Variants in FGFR4 observed in about 807,000 individuals in gnomAD.
FGFR4 encodes the protein hydroxyaryl-protein kinase.
Under a neutral mutation model 89.9 loss-of-function variants are expected in FGFR4, and 63 were observed. The ratio of observed to expected loss-of-function variants is 0.70; its 90% CI spans 0.57 to 0.86. FGFR4 has a LOEUF of 0.86. Ranked by LOEUF, FGFR4 falls within the 40% of genes least tolerant of loss-of-function variation. The probability of loss-of-function intolerance (pLI) is 0.00; values close to 1 mark genes in which losing one functional copy is unlikely to be tolerated. For missense variants in FGFR4, 928 were observed against 1,106.7 expected (o/e 0.84, Z 2.29); for synonymous variants, 486 against 479.4 (o/e 1.01, Z -0.18).
Position 177,095,848 on chromosome 5 carries a change from C to A in FGFR4, c.1821+125C>A. The A allele has an allele frequency of 1.6e-6, 2 of 1,260,852 alleles. No homozygotes were observed. The highest frequency in any genetic ancestry group is 2.2e-6 in the Non-Finnish European group (2 of 929,886). 78.1% of individuals were successfully genotyped at this position (1,260,852 alleles called of 1,614,324 possible). On this transcript the variant is annotated intron_variant, in intron 13 of 17. Transcript: ENST00000292408. This position sits in a 1 kb window ranked among gnomAD's most constrained non-coding sequence, Gnocchi z 5.7. ...ATGACCCCACCTCAGTGTCCCCAGG[C>A]ATTCACGCTTTCCTGCATTCCCCAC...
rs1384813482 is a variant in FGFR4, at chr5:177,087,736, C to G, written c.-54+659C>G. On this transcript the variant is annotated intron_variant, in intron 1 of 17. Transcript: ENST00000292408. This position sits in a 1 kb window ranked among gnomAD's most constrained non-coding sequence, Gnocchi z 6.1. ...AAGCCGAGCTTGGTAGGGAGTTTTACCAAGGAGGATCCGACTGGATTCGAG... is the reference window on the plus strand; with the variant it reads ...AAGCCGAGCTTGGTAGGGAGTTTTAGCAAGGAGGATCCGACTGGATTCGAG... 17 of 728,904 alleles carry G rather than the reference C, an allele frequency of 2.3e-5. No homozygotes were observed. The highest frequency in any genetic ancestry group is 2.9e-5 in the Non-Finnish European group (17 of 595,740). The allele number at this position is 728,904 out of a possible 1,614,324, so 45.2% of individuals were successfully genotyped here.
In FGFR4 at chr5:177,087,650, C is replaced by T. The variant is rs915334647; in HGVS notation, c.-54+573C>T. The T allele has an allele frequency of 3.6e-5, 35 of 985,126 alleles. No homozygotes were observed. The highest frequency in any genetic ancestry group is 4.2e-5 in the Non-Finnish European group (35 of 829,824). 61.0% of individuals were successfully genotyped at this position (985,126 alleles called of 1,614,324 possible). A position where few individuals can be genotyped will look rare whatever the true frequency, so the allele number is the denominator to read the frequency against. ...GGCAGCCTGGGGTAGGAATAAACTC[C>T]CCGGGCCTCCCCACCCACTCCCAGC... On this transcript the variant is annotated intron_variant, in intron 1 of 17. Transcript: ENST00000292408. The surrounding 1 kb of genome is among the most constrained non-coding windows in gnomAD (Gnocchi z 6.1).
rs1199890694 is a variant in FGFR4 at position 177,095,812 on chromosome 5, T to C, written c.1821+89T>C. The stretch of plus-strand genomic sequence containing the variant: ...TTCAATGTCCCGACTTCTCCCTCTC[T>C]GCTCTTTTTCATGACCCCACCTCAG... On this transcript the variant is annotated intron_variant, in intron 13 of 17. Transcript: ENST00000292408. The surrounding 1 kb of genome is among the most constrained non-coding windows in gnomAD (Gnocchi z 5.7). 4 of 1,379,164 alleles carry C rather than the reference T, an allele frequency of 2.9e-6. No homozygotes were observed. The East Asian group carries it at 1.0e-4, about 34-fold the overall frequency. 85.4% of individuals were successfully genotyped at this position (1,379,164 alleles called of 1,614,324 possible). A position where few individuals can be genotyped will look rare whatever the true frequency, so the allele number is the denominator to read the frequency against.
rs1219245004 is a variant in FGFR4 at position 177,096,232 on chromosome 5, G to T, written c.1944+53G>T. ...GGGGTGGAGGGGCACTGGGCCCGGG[G>T]TGGCAGGCACGAGGACCTGTGGGAC... On this transcript the variant is annotated intron_variant, in intron 14 of 17. Coordinates refer to ENST00000292408, the MANE Select transcript of FGFR4 (RefSeq NM_213647.3). 5.0e-6 allele frequency: 8 copies of T among 1,613,170 alleles called. No individual in the cohort carries two copies. In the East Asian group the frequency reaches 6.7e-5, roughly 13 times the overall value.
Position 177,097,016 on chromosome 5 carries a change from T to C in FGFR4, c.2153+275T>C, listed in dbSNP as rs199642946. Among the ~76,000 whole-genome samples, 306 of 11,340 alleles carry C rather than the reference T, an allele frequency of 0.027. 7 individuals are homozygous for C. The East Asian group carries it at 0.29, about 11-fold the overall frequency. The allele number at this position is 11,340 out of a possible 152,430, so 7.4% of individuals were successfully genotyped here. A position where few individuals can be genotyped will look rare whatever the true frequency, so the allele number is the denominator to read the frequency against. On this transcript the variant is annotated intron_variant, in intron 16 of 17. Coordinates refer to ENST00000292408, the MANE Select transcript of FGFR4 (RefSeq NM_213647.3). ...CCTCCTCCTCTTCCTCCTCCTCCTC[T>C]TCCTCCTCCTCCTCTTCCTCCTTCT...
rs529967263 is a variant in FGFR4 at position 177,093,024 on chromosome 5, G to T, written c.1058-114G>T. 2.1e-6 allele frequency: 3 copies of T among 1,435,484 alleles called. No homozygotes were observed. The highest frequency in any genetic ancestry group is 1.8e-5 in the Admixed American group (1 of 54,752). 88.9% of individuals were successfully genotyped at this position (1,435,484 alleles called of 1,614,324 possible). A position where few individuals can be genotyped will look rare whatever the true frequency, so the allele number is the denominator to read the frequency against. On this transcript the variant is annotated intron_variant, in intron 8 of 17. Transcript: ENST00000292408. The surrounding 1 kb of genome is among the most constrained non-coding windows in gnomAD (Gnocchi z 5.8). ...ACTGGGCATAACTACAGCTTCCTCC[G>T]TGTGTGTCCCCACATATGTTGGGAG...
At chr5:177,089,991 T>G (rs1248634701) in intron 2 of FGFR4, 1 of 671,462 alleles carries the variant, frequency 1.5e-6, no homozygotes, top group Non-Finnish European at 2.7e-6. Flanking sequence ...TTCTGTGCAC[T>G]GGGTGTGTGA....
Position 177,095,629 on chromosome 5 carries a change from GTCCTCGGAGCAGTGAGGGGCCGC to G in FGFR4, c.1730_1752del (p.Pro577LeufsTer38). On this transcript the variant is annotated frameshift_variant, in exon 13 of 18. Transcript: ENST00000292408. LOFTEE classifies it high-confidence loss of function. This position sits in a 1 kb window ranked among gnomAD's most constrained non-coding sequence, Gnocchi z 5.7. ...CCAGGCCCCGACCTCAGCCCCGACG[GTCCTCGGAGCAGTGAGGGGCCGC>G]TCTCCTTCCCAGTCCTGGTCTCCTG... The G allele has an allele frequency of 1.9e-6, 3 of 1,606,202 alleles. No homozygotes were observed. Among genetic ancestry groups the G allele is most frequent in the Non-Finnish European group, 2.5e-6 (3 of 1,177,516 alleles).
chr5:177,097,474 C>A (rs780065696), intron 17 of FGFR4, 53 bp from the exon 18 acceptor site: 12 of 1,602,042 alleles, frequency 7.5e-6, no homozygotes, highest in Admixed American at 1.7e-5. Context: ...CGTGGACATG[C>A]GCCCCGTCCC....
chr5:177,093,900 C>A lies in FGFR4; in HGVS notation c.1519+125C>A. The A allele has an allele frequency of 8.9e-7, 1 of 1,122,282 alleles. No homozygotes were observed. The highest frequency in any genetic ancestry group is 1.7e-5 in the South Asian group (1 of 59,728). The allele number at this position is 1,122,282 out of a possible 1,614,324, so 69.5% of individuals were successfully genotyped here. ...TGGGCAACATGGCAAGACTTCATCT[C>A]TACAAAAAAAAAATAAGAAAATTAG... On this transcript the variant is annotated intron_variant, in intron 11 of 17. Coordinates refer to ENST00000292408, the MANE Select transcript of FGFR4 (RefSeq NM_213647.3). This position sits in a 1 kb window ranked among gnomAD's most constrained non-coding sequence, Gnocchi z 5.8.
At chr5:177,092,174 A>G (rs1784389177) in intron 6 of FGFR4, 147 bp from the exon 7 acceptor site, 1 of 803,748 alleles carries the variant, frequency 1.2e-6, no homozygotes, top group Non-Finnish European at 1.9e-6. Flanking sequence ...ATAGGGAGCC[A>G]GGGAAGGTTT....
At chr5:177,089,985 G>A (rs1200614732) in intron 2 of FGFR4, 1 of 671,636 alleles carries the variant, frequency 1.5e-6, no homozygotes, top group Non-Finnish European at 2.7e-6. Flanking sequence ...TGTGTGTTCT[G>A]TGCACTGGGT....
rs537570312 is a variant in FGFR4, at chr5:177,094,224, A to T, written c.1519+449A>T. Among the ~76,000 whole-genome samples the T allele has an allele frequency of 1.6e-4, 24 of 152,026 alleles. No homozygotes were observed. The South Asian group carries it at 1.9e-3, about 12-fold the overall frequency. On this transcript the variant is annotated intron_variant, in intron 11 of 17. Coordinates refer to ENST00000292408, the MANE Select transcript of FGFR4 (RefSeq NM_213647.3). ...GATCCCACCCTTAAACCTGCAATTC[A>T]CCTCTGCTCCTGACCCTGGCAAGTG...
In FGFR4 at chr5:177,097,404, CCCCTCCCACCCACCACCT is replaced by C. The variant is rs777622483; in HGVS notation, c.2259+13_2259+30del. On this transcript the variant is annotated splice_region_variant and intron_variant, in intron 17 of 17. Transcript: ENST00000292408. The stretch of plus-strand genomic sequence containing the variant: ...GCTGGCCGTCTCTGAGGAGGTACAG[CCCCTCCCACCCACCACCT>C]CCCTCTGCCTGCTCCCCTCCAGGCC... 1.9e-5 allele frequency: 30 copies of C among 1,609,286 alleles called. No homozygotes were observed. In the Admixed American group the frequency reaches 4.2e-4, roughly 23 times the overall value.
rs765081891 is a variant in FGFR4, at chr5:177,097,538, C to T, written c.2271C>T (p.Leu757=). 5 of 1,613,612 alleles carry T rather than the reference C, an allele frequency of 3.1e-6. No homozygotes were observed. In the Admixed American group the frequency reaches 5.0e-5, roughly 16 times the overall value. Residue 757 remains leucine (L), a synonymous_variant, in exon 18 of 18, where the codon CTC becomes CTT. Transcript: ENST00000292408. ...LLAVSEEYLD[L]RLTFGPYSPS... is the part of the protein sequence containing the mutation. ...TCCGTTCCCCACAGTACCTCGACCT[C>T]CGCCTGACCTTCGGACCCTATTCCC...
chr5:177,089,957 GGTGT>G (rs1415872873), intron 2 of FGFR4: 2 of 685,264 alleles, frequency 2.9e-6, no homozygotes, highest in Non-Finnish European at 5.3e-6. Flanking sequence ...TCCTTACCTG[GGTGT>G]GTGTGCGTGT....
In FGFR4 at chr5:177,095,633, T is replaced by TG; in HGVS notation, c.1731_1732insG (p.Arg578AlafsTer4). The TG allele has an allele frequency of 6.2e-7, 1 of 1,606,352 alleles. No individual in the cohort carries two copies. Among genetic ancestry groups the TG allele is most frequent in the South Asian group, 1.1e-5 (1 of 89,844 alleles). On this transcript the variant is annotated frameshift_variant, in exon 13 of 18. Transcript: ENST00000292408. LOFTEE classifies it high-confidence loss of function. The surrounding 1 kb of genome is among the most constrained non-coding windows in gnomAD (Gnocchi z 5.7). Reference sequence around the variant, plus strand: ...GCCCCGACCTCAGCCCCGACGGTCCTCGGAGCAGTGAGGGGCCGCTCTCCT... The same window carrying TG: ...GCCCCGACCTCAGCCCCGACGGTCCTGCGGAGCAGTGAGGGGCCGCTCTCCT...
At chr5:177,091,952 G>C in intron 6 of FGFR4, 144 bp downstream of exon 6, 1 of 1,076,814 alleles carries the variant, frequency 9.3e-7, no homozygotes, top group South Asian at 1.5e-5. Context: ...AAAGCACAGG[G>C]GTTAGTGTGG....
At chr5:177,092,202 G>C in intron 6 of FGFR4, 119 bp from the exon 7 acceptor site, 2 of 1,056,470 alleles carry the variant, frequency 1.9e-6, no homozygotes, top group Non-Finnish European at 2.6e-6. Flanking sequence ...GTAAGCAGGA[G>C]ACAGACAAGA....
Sources: allele counts gnomAD v4.1 joint callset (sites outside exome capture counted in the v4.1 genomes callset), GRCh38; gene constraint gnomAD v4.1.1; non-coding constraint Gnocchi (gnomAD v3.1); transcripts MANE v1.5; gene names NCBI Gene and HGNC (gene_info 2026-07-23, HGNC 2026-07-21).